PCDHA2: variants seen among roughly 807,000 people sequenced by gnomAD.
The protein encoded by PCDHA2 is protocadherin alpha 2, also known as protocadherin alpha-2.
Under a neutral mutation model 66.0 loss-of-function variants are expected in PCDHA2, and 58 were observed. The ratio of observed to expected loss-of-function variants is 0.88; its 90% CI spans 0.71 to 1.09. PCDHA2 has a LOEUF of 1.09. Among genes scored for constraint, PCDHA2 ranks in the 50% least tolerant of loss-of-function variants. The pLI, the probability that PCDHA2 is intolerant of heterozygous loss-of-function variation, is 0.00. For missense variants in PCDHA2, 1,267 were observed against 1,242.3 expected (o/e 1.02, Z -0.30); for synonymous variants, 634 against 554.0 (o/e 1.14, Z -2.03).
intron 1 of PCDHA2, among the ~76,000 whole-genome samples, chr5:140,873,178 T>C (rs2054146585): frequency 6.6e-6 from 1 of 152,190 alleles, no homozygotes; most frequent in Non-Finnish European, 1.5e-5. Context: ...TTTTGTATCA[T>C]AATATTCATT....
chr5:140,882,111 C>A, intron 1 of PCDHA2: 1 of 1,379,348 alleles, frequency 7.2e-7, no homozygotes, highest in Non-Finnish European at 9.8e-7. Context: ...GCGAAGAAAG[C>A]CGCCGTTTCT....
At chr5:140,830,117 C>G in intron 1 of PCDHA2, 1 of 1,613,510 alleles carries the variant, frequency 6.2e-7, no homozygotes, top group Non-Finnish European at 8.5e-7. Context: ...TGGCCAGGCT[C>G]CAAAGGCGTC....
intron 1 of PCDHA2, chr5:140,812,673 G>C (rs1219098987): frequency 6.6e-6 from 1 of 152,072 alleles, no homozygotes. Context: ...ATGTACAGAG[G>C]CACGATCATA....
chr5:140,877,233 G>A (rs1554169499), intron 1 of PCDHA2: 2 of 1,613,676 alleles, frequency 1.2e-6, no homozygotes, highest in Non-Finnish European at 8.5e-7. Flanking sequence ...CGGTGGGTGC[G>A]GGCCACGTGG....
At chr5:140,924,902 A>T (rs1484044152) in intron 1 of PCDHA2, among the ~76,000 whole-genome samples, 1 of 39,026 alleles carries the variant, frequency 2.6e-5, no homozygotes, top group African/African-American at 7.6e-5. Context: ...CTCAAAAAAA[A>T]AAATAAAATA....
intron 1 of PCDHA2, chr5:140,848,346 C>A: frequency 1.1e-6 from 1 of 925,186 alleles, no homozygotes; most frequent in East Asian, 2.4e-5. Context: ...ACAAATACAG[C>A]CCTTTTCCCA....
chr5:140,882,198 G>A lies in PCDHA2; in HGVS notation c.2388+84846G>A, dbSNP rs964999330. ...CCGCACTAGGAAGCCATAAAAATTG[G>A]GCCTTGAGAGACAGTTTGAGGTAAG... On this transcript the variant is annotated intron_variant, in intron 1 of 3. Coordinates refer to ENST00000526136, the MANE Select transcript of PCDHA2 (RefSeq NM_018905.3). The A allele has an allele frequency of 8.5e-6, 13 of 1,525,466 alleles. 1 individual carries two copies. In the East Asian group the frequency reaches 2.5e-4, roughly 29 times the overall value. The allele number at this position is 1,525,466 out of a possible 1,614,324, so 94.5% of individuals were successfully genotyped here.
chr5:140,915,006 C>A (rs958050012), intron 1 of PCDHA2, among the ~76,000 whole-genome samples: 2 of 149,102 alleles, frequency 1.3e-5, no homozygotes, highest in African/African-American at 5.0e-5. Flanking sequence ...AGTGCAGTGG[C>A]CTGATCTTGG....
intron 3 of PCDHA2, among the ~76,000 whole-genome samples, chr5:141,005,619 G>A (rs996010701): frequency 6.8e-5 from 10 of 146,082 alleles, no homozygotes; most frequent in South Asian, 2.2e-4. Flanking sequence ...GGAGAATGGC[G>A]TGAACCCGGG....
chr5:140,911,444 C>T (rs13161603), intron 1 of PCDHA2, among the ~76,000 whole-genome samples: 2,752 of 152,248 alleles, frequency 0.018, 47 homozygotes, highest in South Asian at 0.1. Context: ...CCCGCAATTT[C>T]AGCTCTTTCT....
At chr5:140,822,707 A>G (rs2150118718) in intron 1 of PCDHA2, 2 of 1,610,668 alleles carry the variant, frequency 1.2e-6, no homozygotes, top group South Asian at 1.1e-5. Context: ...GATTATGAAG[A>G]CTATAACTCA....
chr5:140,919,763 A>T (rs2079297949), intron 1 of PCDHA2, among the ~76,000 whole-genome samples: 2 of 152,090 alleles, frequency 1.3e-5, no homozygotes, highest in African/African-American at 4.8e-5. Flanking sequence ...TGCCTTTTGT[A>T]TTACTGTTAC....
intron 1 of PCDHA2, among the ~76,000 whole-genome samples, chr5:140,957,658 G>T (rs2095373813): frequency 6.6e-6 from 1 of 151,932 alleles, no homozygotes; most frequent in Non-Finnish European, 1.5e-5. Flanking sequence ...TTCAATCATG[G>T]AGTAAAAATT....
rs1761890150 is a variant in PCDHA2, at chr5:140,794,875, G to A, written c.-90G>A. The stretch of plus-strand genomic sequence containing the variant: ...TTACTTCAGAGAAGCGGAGGAATAA[G>A]AGAAGCAGCAGGACTTTAACAGAGA... On this transcript the variant is annotated 5_prime_UTR_variant, in exon 1 of 4. Coordinates refer to ENST00000526136, the MANE Select transcript of PCDHA2 (RefSeq NM_018905.3). 2.9e-6 allele frequency: 4 copies of A among 1,371,472 alleles called. No individual in the cohort carries two copies. Among genetic ancestry groups the A allele is most frequent in the Admixed American group, 2.3e-5 (1 of 43,530 alleles). 85.0% of individuals were successfully genotyped at this position (1,371,472 alleles called of 1,614,324 possible). A position where few individuals can be genotyped will look rare whatever the true frequency, so the allele number is the denominator to read the frequency against.
intron 1 of PCDHA2, among the ~76,000 whole-genome samples, chr5:140,872,352 C>T (rs568415263): frequency 7.2e-5 from 11 of 152,170 alleles, no homozygotes; most frequent in African/African-American, 2.7e-4. Context: ...TCTTGCCAGG[C>T]AAAGTGGTTC....
intron 1 of PCDHA2, among the ~76,000 whole-genome samples, chr5:140,839,395 GATT>G (rs2150297688): frequency 0.016 from 1,606 of 98,892 alleles, 28 homozygotes; most frequent in Non-Finnish European, 0.019. Context: ...TGATGATGAT[GATT>G]ATTATTTTTG....
rs927272442 is a variant in PCDHA2, at chr5:140,795,987, G to C, written c.1023G>C (p.Val341=). The change falls in exon 1 of 4, where the codon GTG becomes GTC. Residue 341 remains valine (V), a synonymous_variant. Coordinates refer to ENST00000526136, the MANE Select transcript of PCDHA2 (RefSeq NM_018905.3). The part of the protein sequence containing the change: ...SGHCKISLKL[V]DINDNTPEVS... ...ATTGTAAAATTTCATTAAAACTTGT[G>C]GACATCAATGATAACACACCAGAAG... 5.0e-6 allele frequency: 8 copies of C among 1,614,058 alleles called. No homozygotes were observed. Among genetic ancestry groups the C allele is most frequent in the Non-Finnish European group, 6.8e-6 (8 of 1,180,018 alleles).
At chr5:140,850,178 T>C (rs1266429053) in intron 1 of PCDHA2, 11 of 1,592,662 alleles carry the variant, frequency 6.9e-6, no homozygotes, top group East Asian at 6.8e-5. Flanking sequence ...AGAACGACAA[T>C]GCGCCGGCGC....
At position 140,835,306 on chromosome 5, in the gene PCDHA2, T is replaced by G; in HGVS notation, c.2388+37954T>G. 1.9e-6 allele frequency: 3 copies of G among 1,612,964 alleles called. No individual in the cohort carries two copies. In the Middle Eastern group the frequency reaches 5.0e-4, roughly 267 times the overall value. ...GGGGCAATCACAGTGATAGGACATA[T>G]GGATTTTGAAGAAAGTAGAGCACAC... On this transcript the variant is annotated intron_variant, in intron 1 of 3. Transcript: ENST00000526136.
Sources: gnomAD v4.1 joint callset for allele counts (sites outside exome capture counted in the v4.1 genomes callset) on GRCh38, gnomAD v4.1.1 for gene constraint, MANE v1.5 for transcripts, NCBI Gene and HGNC (gene_info 2026-07-23, HGNC 2026-07-21) for gene names.